The following ARHGAP15 variants were observed in gnomAD, a reference collection of about 807,000 sequenced individuals.
ARHGAP15 encodes the protein Rho GTPase activating protein 15, also known as rho GTPase-activating protein 15.
A neutral mutation model predicts 63.7 loss-of-function variants in ARHGAP15; 51 were observed. That is an observed-to-expected ratio of 0.80 (90% CI 0.64 to 1.01). ARHGAP15 has a LOEUF of 1.01. Ranked by LOEUF, ARHGAP15 falls within the 50% of genes least tolerant of loss-of-function variation. The pLI is 0.00. For missense variants in ARHGAP15, 560 were observed against 564.6 expected, an observed-to-expected ratio of 0.99 and a Z score of 0.08; for synonymous variants, 191 against 193.8, an observed-to-expected ratio of 0.99 and a Z score of 0.12.
At chr2:143,415,475 G>A (rs985161348) in intron 6 of ARHGAP15, among the ~76,000 whole-genome samples, 6 of 151,812 alleles carry the variant, frequency 4.0e-5, no homozygotes, top group Non-Finnish European at 1.5e-5. Context: ...AAATTTAAAG[G>A]CAAATAATTA....
chr2:143,399,653 G>GA (rs756970206), intron 6 of ARHGAP15, among the ~76,000 whole-genome samples: 24 of 151,968 alleles, frequency 1.6e-4, no homozygotes, highest in South Asian at 4.2e-4. Flanking sequence ...TTACAGCTGG[G>GA]AAAAAAGCCT....
intron 13 of ARHGAP15, among the ~76,000 whole-genome samples, chr2:143,760,023 A>G (rs1034431485): frequency 6.6e-6 from 1 of 151,972 alleles, no homozygotes; most frequent in African/African-American, 2.4e-5. Context: ...TGCTTAGTGT[A>G]TGGTTTGTTG....
intron 12 of ARHGAP15, among the ~76,000 whole-genome samples, chr2:143,643,227 C>A (rs537407247): frequency 2.6e-5 from 4 of 151,962 alleles, no homozygotes; most frequent in African/African-American, 9.7e-5. Flanking sequence ...CAGGAAACCC[C>A]ATTGTGATTT....
chr2:143,601,758 T>C (rs1282828612), intron 11 of ARHGAP15, among the ~76,000 whole-genome samples: 1 of 152,186 alleles, frequency 6.6e-6, no homozygotes, highest in Non-Finnish European at 1.5e-5. Flanking sequence ...GTAGCTTAAC[T>C]TGCATCTATT....
intron 5 of ARHGAP15, among the ~76,000 whole-genome samples, chr2:143,241,350 T>A (rs72851539): frequency 0.011 from 1,689 of 152,316 alleles, 11 homozygotes; most frequent in Non-Finnish European, 0.017. Flanking sequence ...AACTGCAATA[T>A]GACATTAACA....
intron 11 of ARHGAP15, among the ~76,000 whole-genome samples, chr2:143,623,569 T>C (rs1445529337): frequency 6.6e-6 from 1 of 152,176 alleles, no homozygotes; most frequent in African/African-American, 2.4e-5. Flanking sequence ...AAGAAAAGAA[T>C]TAATATCCTT....
chr2:143,258,427 G>A (rs1241517781), intron 6 of ARHGAP15, among the ~76,000 whole-genome samples: 1 of 152,026 alleles, frequency 6.6e-6, no homozygotes, highest in Non-Finnish European at 1.5e-5. Context: ...ATAAGTTCAA[G>A]ATGAAAGGAA....
At chr2:143,621,236 G>A (rs1382927518) in intron 11 of ARHGAP15, among the ~76,000 whole-genome samples, 1 of 152,180 alleles carries the variant, frequency 6.6e-6, no homozygotes, top group Non-Finnish European at 1.5e-5. Context: ...AATGTCAATA[G>A]TGTGGTGCTT....
Position 143,723,447 on chromosome 2 carries a change from T to C in ARHGAP15, c.1244+19923T>C, listed in dbSNP as rs555498166. On this transcript the variant is annotated intron_variant, in intron 13 of 13. Transcript: ENST00000295095. ...GTTTTGGTGTTGGCTGTGGAGCTCA[T>C]TGGGAAGAGAGGAATTCCTAGGGCA... Among the ~76,000 whole-genome samples, 6 of 152,264 alleles carry C rather than the reference T, an allele frequency of 3.9e-5. No individual in the cohort carries two copies. The East Asian group carries it at 1.2e-3, about 29-fold the overall frequency.
Position 143,511,327 on chromosome 2 carries a change from A to G in ARHGAP15, c.827-7939A>G, listed in dbSNP as rs182096752. On this transcript the variant is annotated intron_variant, in intron 9 of 13. Transcript: ENST00000295095. ...GAATTTTTTTTCCCAATCAATGTAT[A>G]TCCTGCCACCCCTGATCATTAAGTG... Among the ~76,000 whole-genome samples the G allele has an allele frequency of 3.9e-5, 6 of 152,284 alleles. No individual in the cohort carries two copies. In the East Asian group the frequency reaches 9.6e-4, roughly 24 times the overall value.
chr2:143,689,050 C>T (rs1313991088), intron 12 of ARHGAP15, among the ~76,000 whole-genome samples: 1 of 152,068 alleles, frequency 6.6e-6, no homozygotes, highest in East Asian at 1.9e-4. Context: ...GTTTCTTCCT[C>T]AAGTATACTT....
chr2:143,290,651 T>A (rs1036199141), intron 6 of ARHGAP15, among the ~76,000 whole-genome samples: 2 of 152,162 alleles, frequency 1.3e-5, no homozygotes, highest in African/African-American at 4.8e-5. Context: ...CCCATGCACT[T>A]TCAAGTTGCA....
At chr2:143,232,965 C>T (rs1320433384) in intron 5 of ARHGAP15, among the ~76,000 whole-genome samples, 1 of 151,998 alleles carries the variant, frequency 6.6e-6, no homozygotes, top group Non-Finnish European at 1.5e-5. Flanking sequence ...GTATAGTTAG[C>T]CTAGGGTTAC....
At chr2:143,304,676 T>C (rs894160688) in intron 6 of ARHGAP15, among the ~76,000 whole-genome samples, 1 of 152,066 alleles carries the variant, frequency 6.6e-6, no homozygotes, top group Non-Finnish European at 1.5e-5. Context: ...TCACAAGTGA[T>C]TAAAATGAAT....
At chr2:143,213,686 C>T (rs887096224) in intron 3 of ARHGAP15, among the ~76,000 whole-genome samples, 4 of 152,102 alleles carry the variant, frequency 2.6e-5, no homozygotes, top group Non-Finnish European at 4.4e-5. Context: ...ATAGCAGAAG[C>T]GTTATTAGCT....
intron 2 of ARHGAP15, among the ~76,000 whole-genome samples, chr2:143,200,106 C>T (rs1692050548): frequency 6.6e-6 from 1 of 152,144 alleles, no homozygotes; most frequent in Non-Finnish European, 1.5e-5. Context: ...ATCCTGCTGG[C>T]CAGTCTCTGT....
At chr2:143,721,255 T>C (rs918546033) in intron 13 of ARHGAP15, among the ~76,000 whole-genome samples, 1 of 151,988 alleles carries the variant, frequency 6.6e-6, no homozygotes, top group African/African-American at 2.4e-5. Flanking sequence ...AAGTCTGGGC[T>C]AAAAGAAAGA....
intron 10 of ARHGAP15, among the ~76,000 whole-genome samples, chr2:143,526,230 G>A (rs143568677): frequency 9.4e-4 from 143 of 152,178 alleles, no homozygotes; most frequent in African/African-American, 3.0e-3. Flanking sequence ...AGTTAATGTA[G>A]GAATAAACGT....
intron 6 of ARHGAP15, among the ~76,000 whole-genome samples, chr2:143,346,084 C>A (rs1685260251): frequency 6.6e-6 from 1 of 151,874 alleles, no homozygotes; most frequent in Non-Finnish European, 1.5e-5. Context: ...TAACTTTAAC[C>A]AAGCTGCATT....
Sources: allele counts gnomAD v4.1 joint callset (sites outside exome capture counted in the v4.1 genomes callset), GRCh38; gene constraint gnomAD v4.1.1; transcripts MANE v1.5; gene names NCBI Gene and HGNC (gene_info 2026-07-23, HGNC 2026-07-21).